The following DNAJC6 variants were observed in gnomAD, a reference collection of about 807,000 sequenced individuals.
The protein encoded by DNAJC6 is DnaJ heat shock protein family (Hsp40) member C6.
In DNAJC6, 34 loss-of-function variants were observed where a neutral mutation model predicts 110.0. That is an observed-to-expected ratio of 0.31 (90% CI 0.24 to 0.41). The LOEUF (loss-of-function observed/expected upper bound fraction) is 0.41. Among genes scored for constraint, DNAJC6 ranks in the 10% least tolerant of loss-of-function variants. The pLI, the probability that DNAJC6 is intolerant of heterozygous loss-of-function variation, is 1.00. For synonymous variants in DNAJC6, 406 were observed against 437.2 expected (o/e 0.93, Z 0.89); for missense variants, 1,031 against 1,207.8 (o/e 0.85, Z 2.17).
intron 4 of DNAJC6, among the ~76,000 whole-genome samples, chr1:65,376,671 A>G (rs1645769280): frequency 6.6e-6 from 1 of 151,536 alleles, no homozygotes; most frequent in Non-Finnish European, 1.5e-5. Flanking sequence ...GTGTTTATGT[A>G]TTTTCCAAGT....
chr1:65,327,582 G>A (rs890502410), intron 1 of DNAJC6, among the ~76,000 whole-genome samples: 1 of 152,162 alleles, frequency 6.6e-6, no homozygotes, highest in Non-Finnish European at 1.5e-5. Flanking sequence ...AATGATTTAT[G>A]TGTGGGTGTA....
chr1:65,300,087 G>GT lies in DNAJC6; in HGVS notation c.-131+35157dup, dbSNP rs527834977. On this transcript the variant is annotated intron_variant, in intron 1 of 19. Transcript: ENST00000263441. The stretch of plus-strand genomic sequence containing the variant: ...AAGAAAAAAAGTCTGAAATCCAGTG[G>GT]TTAATGGTGGTAGGTTGTACCCCAG... Among the ~76,000 whole-genome samples, 77 of 151,686 alleles carry GT rather than the reference G, an allele frequency of 5.1e-4. 1 individual carries two copies. The South Asian group carries it at 0.016, about 31-fold the overall frequency.
intron 13 of DNAJC6, among the ~76,000 whole-genome samples, chr1:65,398,256 G>GTATA (rs1421800343): frequency 1.3e-5 from 2 of 152,136 alleles, no homozygotes; most frequent in African/African-American, 4.8e-5. Flanking sequence ...TAGTGATGAT[G>GTATA]TATAGCCAGT....
rs1182892036 is a variant in DNAJC6 at position 65,411,363 on chromosome 1, G to A, written c.2748G>A (p.Leu916=). ...TKWKPVGMAD[L]VTPEQVKKVY... The stretch of plus-strand genomic sequence containing the variant: ...GGAAACCAGTTGGCATGGCAGACCT[G>A]GTAACACCAGAGCAGGTGAAGAAGG... The change falls in exon 18 of 19, where the codon CTG becomes CTA. Residue 916 remains leucine (L), a synonymous_variant. Coordinates refer to ENST00000371069, the MANE Select transcript of DNAJC6 (RefSeq NM_001256864.2). The A allele has an allele frequency of 1.2e-6, 2 of 1,614,148 alleles. No individual in the cohort carries two copies. Among genetic ancestry groups the A allele is most frequent in the Non-Finnish European group, 1.7e-6 (2 of 1,180,024 alleles).
upstream of DNAJC6, among the ~76,000 whole-genome samples, chr1:65,305,015 A>G (rs979832513): frequency 6.6e-6 from 1 of 152,276 alleles, no homozygotes; most frequent in African/African-American, 2.4e-5. Context: ...TTATTCAATA[A>G]GGAGATAATC....
chr1:65,360,770 T>G (rs775162687), intron 1 of DNAJC6, among the ~76,000 whole-genome samples: 4 of 152,112 alleles, frequency 2.6e-5, no homozygotes, highest in Non-Finnish European at 5.9e-5. Context: ...TCCTGGCCTT[T>G]TATTCAGGGC....
intron 1 of DNAJC6, among the ~76,000 whole-genome samples, chr1:65,342,456 G>A (rs771875631): frequency 7.2e-5 from 11 of 152,150 alleles, no homozygotes; most frequent in African/African-American, 2.2e-4. Flanking sequence ...GGCCTTCTAC[G>A]AATAAAGAAG....
At chr1:65,309,252 C>T (rs1240480295), upstream of DNAJC6, among the ~76,000 whole-genome samples, 1 of 150,568 alleles carries the variant, frequency 6.6e-6, no homozygotes, top group Non-Finnish European at 1.5e-5. Flanking sequence ...AGTCCCCTCC[C>T]CCGACCACCC....
chr1:65,370,361 C>A (rs1222200578), intron 4 of DNAJC6, among the ~76,000 whole-genome samples: 1 of 152,212 alleles, frequency 6.6e-6, no homozygotes, highest in Non-Finnish European at 1.5e-5. Flanking sequence ...TATACTTAAA[C>A]CTTTCTCATC....
At chr1:65,316,474 T>C (rs1341628359) in intron 1 of DNAJC6, among the ~76,000 whole-genome samples, 1 of 152,216 alleles carries the variant, frequency 6.6e-6, no homozygotes, top group Admixed American at 6.5e-5. Context: ...ACATGCTGCC[T>C]GGCCTGTCTC....
chr1:65,371,102 A>G lies in DNAJC6; in HGVS notation c.543+4906A>G, dbSNP rs538341253. Among the ~76,000 whole-genome samples, 10 of 152,328 alleles carry G rather than the reference A, an allele frequency of 6.6e-5. No individual in the cohort carries two copies. In the East Asian group the frequency reaches 1.7e-3, roughly 26 times the overall value. On this transcript the variant is annotated intron_variant, in intron 4 of 18. Coordinates refer to ENST00000371069, the MANE Select transcript of DNAJC6 (RefSeq NM_001256864.2). ...GAATTGAATGTCTTAACCCTGGTAA[A>G]ATACAGCCATCACTTGAAGCTGTAA... is the stretch of plus-strand genomic sequence containing the variant.
chr1:65,311,851 G>A (rs1645104795), intron 1 of DNAJC6, among the ~76,000 whole-genome samples: 1 of 152,094 alleles, frequency 6.6e-6, no homozygotes, highest in Admixed American at 6.5e-5. Context: ...TTACATTGTA[G>A]AATAAGTTCA....
At position 65,415,478 on chromosome 1, in the gene DNAJC6, A is replaced by ACT. The variant is rs1553149294; in HGVS notation, c.*2454_*2455insTC. 4 of 151,856 alleles carry ACT rather than the reference A, an allele frequency of 2.6e-5. No individual in the cohort carries two copies. Among genetic ancestry groups the ACT allele is most frequent in the African/African-American group, 9.7e-5 (4 of 41,274 alleles). 9.4% of individuals were successfully genotyped at this position (151,856 alleles called of 1,614,324 possible). A position where few individuals can be genotyped will look rare whatever the true frequency, so the allele number is the denominator to read the frequency against. On this transcript the variant is annotated 3_prime_UTR_variant, in exon 19 of 19. Transcript: ENST00000371069. ...CACACACACACACACACACACACACACACACACATGCACGCACACATGATT... is the reference window on the plus strand; with the variant it reads ...CACACACACACACACACACACACACACTCACACACATGCACGCACACATGATT...
intron 1 of DNAJC6, among the ~76,000 whole-genome samples, chr1:65,319,521 G>A (rs1239595954): frequency 6.6e-6 from 1 of 152,130 alleles, no homozygotes; most frequent in Non-Finnish European, 1.5e-5. Flanking sequence ...CCTAGACTCT[G>A]GTTCCTTGCT....
intron 1 of DNAJC6, among the ~76,000 whole-genome samples, chr1:65,349,105 T>A (rs1645466583): frequency 7.3e-6 from 1 of 137,746 alleles, no homozygotes; most frequent in African/African-American, 2.7e-5. Flanking sequence ...TATATATAAA[T>A]AAATATGTAA....
chr1:65,348,794 C>T (rs994581549), intron 1 of DNAJC6, among the ~76,000 whole-genome samples: 6 of 150,276 alleles, frequency 4.0e-5, no homozygotes, highest in South Asian at 2.1e-4. Flanking sequence ...AGTCTACTCT[C>T]GTTATTTGTT....
At position 65,309,580 on chromosome 1, in the gene DNAJC6, C is replaced by T. The variant is rs953016668; in HGVS notation, c.-166C>T. 1 of 1,303,802 alleles carries T rather than the reference C, an allele frequency of 7.7e-7. No individual in the cohort carries two copies. Among genetic ancestry groups the T allele is most frequent in the Non-Finnish European group, 9.7e-7 (1 of 1,030,622 alleles). The allele number at this position is 1,303,802 out of a possible 1,614,324, so 80.8% of individuals were successfully genotyped here. On this transcript the variant is annotated 5_prime_UTR_variant, in exon 1 of 19. Transcript: ENST00000371069. ...GCCCAGGGCGGCGGCTTCGCCTCGCCCGGCGAAGCTTCTCTCCGGTGGCCG... is the reference window on the plus strand; with the variant it reads ...GCCCAGGGCGGCGGCTTCGCCTCGCTCGGCGAAGCTTCTCTCCGGTGGCCG...
At position 65,415,031 on chromosome 1, in the gene DNAJC6, T is replaced by TC. The variant is rs1646158803; in HGVS notation, c.*2011dup. The TC allele has an allele frequency of 6.6e-6, 1 of 152,178 alleles. No homozygotes were observed. The highest frequency in any genetic ancestry group is 2.1e-4 in the South Asian group (1 of 4,832). The allele number at this position is 152,178 out of a possible 1,614,324, so 9.4% of individuals were successfully genotyped here. A position where few individuals can be genotyped will look rare whatever the true frequency, so the allele number is the denominator to read the frequency against. On this transcript the variant is annotated 3_prime_UTR_variant, in exon 19 of 19. Coordinates refer to ENST00000371069, the MANE Select transcript of DNAJC6 (RefSeq NM_001256864.2). ...GAATCTTACTTAAATTTGGAGATTT[T>TC]CCCCCACATCTCTTTTCCGGATACA...
chr1:65,392,483 T>G lies in DNAJC6; in HGVS notation c.1521T>G (p.Asn507Lys). Residue 507 changes from asparagine (N) to lysine (K), a missense_variant, in exon 12 of 19, where the codon AAT (asparagine) becomes AAG (lysine). Asn to Lys is a moderately conservative substitution (Grantham distance 94). Transcript: ENST00000371069. ...FCEEDHAALVNQESEQSDDEL... is the reference protein window; with the variant it reads ...FCEEDHAALVKQESEQSDDEL... ...AGGAGGACCACGCTGCCCTAGTGAA[T>G]CAGGAAAGTGAGCAATCAGATGATG... 1 of 1,613,504 alleles carries G rather than the reference T, an allele frequency of 6.2e-7. No individual in the cohort carries two copies. The highest frequency in any genetic ancestry group is 8.5e-7 in the Non-Finnish European group (1 of 1,179,734).
Sources: allele counts gnomAD v4.1 joint callset (sites outside exome capture counted in the v4.1 genomes callset), GRCh38; gene constraint gnomAD v4.1.1; transcripts MANE v1.5; gene names NCBI Gene and HGNC (gene_info 2026-07-23, HGNC 2026-07-21).